PPP2R5C: variants seen among roughly 807,000 people sequenced by gnomAD.
The protein encoded by PPP2R5C is protein phosphatase 2 regulatory subunit B'gamma, also known as serine/threonine-protein phosphatase 2A 56 kDa regulatory subunit gamma isoform.
PPP2R5C carries 7 observed loss-of-function variants against 68.9 expected under a neutral mutation model. The observed-to-expected ratio is 0.10, with a 90% CI of 0.06 to 0.19. The LOEUF (loss-of-function observed/expected upper bound fraction) is 0.19, where lower values mean the gene tolerates loss of function less well. Ranked by LOEUF, PPP2R5C falls within the 10% of genes least tolerant of loss-of-function variation. The pLI is 1.00. For missense variants in PPP2R5C, 348 were observed against 641.3 expected, an observed-to-expected ratio of 0.54 and a Z score of 4.94; for synonymous variants, 210 against 222.2, an observed-to-expected ratio of 0.95 and a Z score of 0.49.
intron 2 of PPP2R5C, chr14:101,765,062 T>G (rs979763096): frequency 7.9e-5 from 52 of 658,144 alleles, no homozygotes; most frequent in Non-Finnish European, 1.3e-4. Context: ...AAATGTGTGT[T>G]TTGAAAGCAG....
chr14:101,766,989 T>G (rs1047307974), intron 2 of PPP2R5C: 1 of 152,250 alleles, frequency 6.6e-6, no homozygotes, highest in Admixed American at 6.5e-5. Flanking sequence ...TGTTCATGCT[T>G]TTTGTAAAGT....
intron 12 of PPP2R5C, 145 bp downstream of exon 14, chr14:101,912,618 C>G: frequency 1.5e-6 from 2 of 1,331,096 alleles, no homozygotes; most frequent in Non-Finnish European, 1.9e-6. Flanking sequence ...TACTTTTAAA[C>G]TTTGTAACCC....
At chr14:101,889,826 A>G (rs1034708259) in intron 5 of PPP2R5C, 6 of 375,990 alleles carry the variant, frequency 1.6e-5, no homozygotes, top group South Asian at 1.0e-4. Context: ...ACATTGGCCT[A>G]TGTTGAAATA....
chr14:101,846,058 C>G (rs1056403724), intron 1 of PPP2R5C, among the ~76,000 whole-genome samples: 4 of 152,250 alleles, frequency 2.6e-5, no homozygotes, highest in Non-Finnish European at 5.9e-5. Context: ...CTGTGCACCA[C>G]CTCTCCGGGT....
At chr14:101,767,098 C>T (rs1029740904) in intron 2 of PPP2R5C, 1 of 152,228 alleles carries the variant, frequency 6.6e-6, no homozygotes, top group Non-Finnish European at 1.5e-5. Flanking sequence ...GCAACTCTTA[C>T]ATAATATCTG....
At chr14:101,772,020 T>C (rs997682569) in intron 2 of PPP2R5C, among the ~76,000 whole-genome samples, 1 of 152,180 alleles carries the variant, frequency 6.6e-6, no homozygotes, top group African/African-American at 2.4e-5. Context: ...AGCTACTCTG[T>C]TGACCAGCAG....
At chr14:101,815,998 T>C (rs1311638477) in intron 1 of PPP2R5C, among the ~76,000 whole-genome samples, 2 of 152,242 alleles carry the variant, frequency 1.3e-5, no homozygotes, top group Admixed American at 6.5e-5. Flanking sequence ...GCTAAATACC[T>C]CATCAGTGGA....
chr14:101,765,184 C>T lies in PPP2R5C; in HGVS notation c.93+2214C>T, dbSNP rs897660929. 5 of 702,616 alleles carry T rather than the reference C, an allele frequency of 7.1e-6. No homozygotes were observed. The African/African-American group carries it at 8.7e-5, about 12-fold the overall frequency. The allele number at this position is 702,616 out of a possible 1,614,324, so 43.5% of individuals were successfully genotyped here. On this transcript the variant is annotated intron_variant, in intron 2 of 14. Transcript: ENST00000328724. ...CTGTCTAAGAGCTGGAGCTACAGAGCTTGAAATTACCACTGAAAACACTGA... is the reference window on the plus strand; with the variant it reads ...CTGTCTAAGAGCTGGAGCTACAGAGTTTGAAATTACCACTGAAAACACTGA...
chr14:101,761,769 G>T, upstream of PPP2R5C: 1 of 968,654 alleles, frequency 1.0e-6, no homozygotes, highest in Non-Finnish European at 1.2e-6. Context: ...GCAAGCGAAA[G>T]ACTCAGTCCC....
chr14:101,763,617 G>C (rs796119244), intron 2 of PPP2R5C, among the ~76,000 whole-genome samples: 1 of 152,060 alleles, frequency 6.6e-6, no homozygotes, highest in Non-Finnish European at 1.5e-5. Context: ...TCCTGTCCTC[G>C]TGACCCGCCC....
chr14:101,816,921 TTATATAATA>T (rs1382965004), intron 1 of PPP2R5C, among the ~76,000 whole-genome samples: 2 of 141,014 alleles, frequency 1.4e-5, no homozygotes, highest in African/African-American at 5.3e-5. Context: ...ATATATATAT[TTATATAATA>T]TATATAATAT....
At chr14:101,886,659 G>GA (rs201426904) in intron 5 of PPP2R5C, among the ~76,000 whole-genome samples, 16 of 150,598 alleles carry the variant, frequency 1.1e-4, no homozygotes, top group East Asian at 1.9e-4. Context: ...TTCATGTGAG[G>GA]AAAAAAAAAG....
chr14:101,822,078 TG>T (rs1376837319), intron 1 of PPP2R5C, among the ~76,000 whole-genome samples: 6 of 17,058 alleles, frequency 3.5e-4, no homozygotes, highest in African/African-American at 1.1e-3. Flanking sequence ...CACCACCCCC[TG>T]CCCCCCCCCC....
intron 2 of PPP2R5C, among the ~76,000 whole-genome samples, chr14:101,764,147 T>C (rs560001873): frequency 7.1e-4 from 108 of 152,368 alleles, no homozygotes; most frequent in African/African-American, 2.4e-3. Context: ...AGGTTGATGC[T>C]GTTCCTTCAC....
chr14:101,787,332 T>C (rs971894504), intron 3 of PPP2R5C, among the ~76,000 whole-genome samples: 3 of 151,730 alleles, frequency 2.0e-5, no homozygotes, highest in Non-Finnish European at 4.4e-5. Flanking sequence ...CTTTCCACAC[T>C]GTAAAGCAGA....
At chr14:101,875,449 T>A (rs1051888573) in intron 2 of PPP2R5C, among the ~76,000 whole-genome samples, 2 of 152,104 alleles carry the variant, frequency 1.3e-5, no homozygotes, top group Admixed American at 1.3e-4. Context: ...GACGTAAAGG[T>A]TTAATGAGAC....
intron 1 of PPP2R5C, among the ~76,000 whole-genome samples, chr14:101,812,148 T>G (rs1194950172): frequency 1.3e-5 from 2 of 152,208 alleles, no homozygotes; most frequent in Non-Finnish European, 2.9e-5. Flanking sequence ...AAAATTTGAT[T>G]TATTTATTGG....
At chr14:101,765,497 A>G in intron 2 of PPP2R5C, 2 of 493,102 alleles carry the variant, frequency 4.1e-6, no homozygotes, top group South Asian at 2.8e-5. Context: ...CTCTCTCAGT[A>G]TTACTCTTAA....
At chr14:101,897,299 A>G (rs899270171) in intron 8 of PPP2R5C, among the ~76,000 whole-genome samples, 1 of 152,058 alleles carries the variant, frequency 6.6e-6, no homozygotes, top group Non-Finnish European at 1.5e-5. Context: ...AATAAAACTC[A>G]TTGGGGATTT....
Sources: gnomAD v4.1 joint callset for allele counts (sites outside exome capture counted in the v4.1 genomes callset) on GRCh38, gnomAD v4.1.1 for gene constraint, MANE v1.5 for transcripts, NCBI Gene and HGNC (gene_info 2026-07-23, HGNC 2026-07-21) for gene names.